The following MCTP1 variants were observed in gnomAD, a reference collection of about 807,000 sequenced individuals.
MCTP1 encodes multiple C2 and transmembrane domain-containing protein 1.
MCTP1 carries 69 observed loss-of-function variants against 120.6 expected under a neutral mutation model. That is an observed-to-expected ratio of 0.57 (90% CI 0.47 to 0.70). MCTP1 has a LOEUF of 0.70. Ranked by LOEUF, MCTP1 falls within the 30% of genes least tolerant of loss-of-function variation. The pLI, the probability that MCTP1 is intolerant of heterozygous loss-of-function variation, is 0.00. For synonymous variants in MCTP1, 529 were observed against 493.1 expected, an observed-to-expected ratio of 1.07 and a Z score of -0.96; for missense variants, 1,203 against 1,248.8, an observed-to-expected ratio of 0.96 and a Z score of 0.55.
At chr5:95,157,780 G>A (rs1482820531) in intron 1 of MCTP1, among the ~76,000 whole-genome samples, 2 of 152,144 alleles carry the variant, frequency 1.3e-5, no homozygotes, top group South Asian at 2.1e-4. Flanking sequence ...TGTGGCTCAC[G>A]GGCCAAGTCA....
chr5:95,078,017 C>CTG, intron 1 of MCTP1, among the ~76,000 whole-genome samples: 1 of 6,792 alleles, frequency 1.5e-4, no homozygotes, highest in Non-Finnish European at 7.2e-3. Context: ...CTTCATTTAT[C>CTG]CCTATCATCC....
intron 1 of MCTP1, among the ~76,000 whole-genome samples, chr5:95,065,888 G>C (rs1349743103): frequency 6.6e-6 from 1 of 152,150 alleles, no homozygotes; most frequent in Non-Finnish European, 1.5e-5. Flanking sequence ...TTAAATGTAA[G>C]ACTGGAAATT....
intron 10 of MCTP1, among the ~76,000 whole-genome samples, chr5:94,902,714 A>G (rs1561831329): frequency 6.6e-6 from 1 of 152,222 alleles, no homozygotes; most frequent in East Asian, 1.9e-4. Flanking sequence ...TTCAAGTTCC[A>G]TGACTATGCA....
At chr5:95,188,299 T>C (rs1176017630) in intron 1 of MCTP1, among the ~76,000 whole-genome samples, 1 of 152,148 alleles carries the variant, frequency 6.6e-6, no homozygotes, top group Non-Finnish European at 1.5e-5. Flanking sequence ...ACCGGTGCAA[T>C]GATGCTGGAA....
intron 10 of MCTP1, among the ~76,000 whole-genome samples, chr5:94,901,768 C>G (rs1441151571): frequency 6.6e-6 from 1 of 152,202 alleles, no homozygotes; most frequent in Non-Finnish European, 1.5e-5. Context: ...TCTGCTGTCT[C>G]TGAACCAGTG....
chr5:95,213,408 G>T (rs1342228908), intron 1 of MCTP1, among the ~76,000 whole-genome samples: 2 of 152,216 alleles, frequency 1.3e-5, no homozygotes, highest in African/African-American at 4.8e-5. Flanking sequence ...TGGGTAGGAA[G>T]AATCAATATC....
chr5:95,272,133 T>G (rs1401560062), intron 1 of MCTP1, among the ~76,000 whole-genome samples: 1 of 152,232 alleles, frequency 6.6e-6, no homozygotes, highest in African/African-American at 2.4e-5. Flanking sequence ...GGCATGTGCA[T>G]AAACCATGCC....
chr5:94,964,072 T>C (rs1825012831), intron 2 of MCTP1, among the ~76,000 whole-genome samples: 1 of 152,220 alleles, frequency 6.6e-6, no homozygotes, highest in Non-Finnish European at 1.5e-5. Flanking sequence ...TGTTGGCATC[T>C]TTGTCAAAAA....
chr5:94,966,690 G>A (rs923855353), intron 2 of MCTP1, among the ~76,000 whole-genome samples: 28 of 152,142 alleles, frequency 1.8e-4, no homozygotes, highest in Non-Finnish European at 1.5e-5. Context: ...AGCTACTCAG[G>A]AGGCTGAGGC....
intron 19 of MCTP1, among the ~76,000 whole-genome samples, chr5:94,730,146 T>A (rs1484072631): frequency 6.6e-6 from 1 of 152,130 alleles, no homozygotes. Context: ...CATGTTTGGC[T>A]TGAGCAACTG....
chr5:95,249,697 C>T (rs1757189400), intron 1 of MCTP1, among the ~76,000 whole-genome samples: 3 of 152,176 alleles, frequency 2.0e-5, no homozygotes, highest in Admixed American at 6.5e-5. Flanking sequence ...ACTATAAAGA[C>T]TCTTGCACAC....
chr5:94,938,838 T>A (rs1816839295), intron 5 of MCTP1, among the ~76,000 whole-genome samples: 1 of 152,096 alleles, frequency 6.6e-6, no homozygotes, highest in African/African-American at 2.4e-5. Context: ...AATAATGTCT[T>A]CTGAAGTAGT....
chr5:95,274,705 A>G (rs887496049), intron 1 of MCTP1, among the ~76,000 whole-genome samples: 12 of 150,728 alleles, frequency 8.0e-5, no homozygotes, highest in African/African-American at 2.9e-4. Context: ...CTCACTGCAA[A>G]CTCTGCCTCC....
At chr5:94,834,005 T>C (rs1172980585) in intron 17 of MCTP1, among the ~76,000 whole-genome samples, 5 of 152,236 alleles carry the variant, frequency 3.3e-5, no homozygotes, top group Non-Finnish European at 7.3e-5. Context: ...TTTATGCTCA[T>C]GTACCAGCTG....
At chr5:94,854,430 A>G (rs914343227) in intron 17 of MCTP1, among the ~76,000 whole-genome samples, 16 of 151,922 alleles carry the variant, frequency 1.1e-4, no homozygotes, top group African/African-American at 3.9e-4. Flanking sequence ...ACTGCTGGCT[A>G]ATGAAGACCT....
At chr5:94,910,690 A>G (rs1808321914) in intron 9 of MCTP1, among the ~76,000 whole-genome samples, 1 of 151,980 alleles carries the variant, frequency 6.6e-6, no homozygotes, top group Admixed American at 6.5e-5. Flanking sequence ...TATAAAAATA[A>G]GTAATGTTTT....
At chr5:94,870,560 T>C (rs911361983) in intron 15 of MCTP1, 69 bp from the exon 16 acceptor site, 16 of 1,142,976 alleles carry the variant, frequency 1.4e-5, no homozygotes, top group Admixed American at 1.2e-4. Flanking sequence ...TTCACGCAGT[T>C]CAATTTGCAA....
intron 1 of MCTP1, among the ~76,000 whole-genome samples, chr5:95,266,305 T>C (rs1009975027): frequency 2.0e-5 from 3 of 152,220 alleles, no homozygotes; most frequent in African/African-American, 4.8e-5. Context: ...TGAGTCTTCC[T>C]TTTACCCAAG....
intron 1 of MCTP1, among the ~76,000 whole-genome samples, chr5:95,030,786 TACTCTC>T (rs1392102987): frequency 1.3e-5 from 2 of 152,192 alleles, no homozygotes; most frequent in Non-Finnish European, 2.9e-5. Flanking sequence ...TTTAAAGGAC[TACTCTC>T]ACTCTCTAGC....
Sources: gnomAD v4.1 joint callset for allele counts (sites outside exome capture counted in the v4.1 genomes callset) on GRCh38, gnomAD v4.1.1 for gene constraint, MANE v1.5 for transcripts, NCBI Gene and HGNC (gene_info 2026-07-23, HGNC 2026-07-21) for gene names.